The following ATRNL1 variants were observed in gnomAD, a reference collection of about 807,000 sequenced individuals.
ATRNL1 encodes attractin like 1.
In ATRNL1, 95 loss-of-function variants were observed where a neutral mutation model predicts 182.7. That is an observed-to-expected ratio of 0.52 (90% CI 0.44 to 0.62). The LOEUF (loss-of-function observed/expected upper bound fraction) is 0.62. Among genes scored for constraint, ATRNL1 ranks in the 20% least tolerant of loss-of-function variants. ATRNL1 has a pLI of 0.00. For missense variants in ATRNL1, 1,471 were observed against 1,679.5 expected (o/e 0.88, Z 2.17); for synonymous variants, 576 against 568.3 (o/e 1.01, Z -0.19).
At chr10:115,586,997 G>T (rs1555010154) in intron 26 of ATRNL1, among the ~76,000 whole-genome samples, 1 of 141,626 alleles carries the variant, frequency 7.1e-6, no homozygotes, top group South Asian at 2.6e-4. Context: ...CTGCAGCTCT[G>T]TTGGAATACC....
intron 28 of ATRNL1, among the ~76,000 whole-genome samples, chr10:115,866,810 A>G (rs1555104836): frequency 6.6e-6 from 1 of 152,234 alleles, no homozygotes. Context: ...TCAAAGATCA[A>G]ACATGATTTT....
At chr10:115,484,928 G>A (rs962870029) in intron 24 of ATRNL1, among the ~76,000 whole-genome samples, 6 of 151,766 alleles carry the variant, frequency 4.0e-5, no homozygotes, top group Admixed American at 6.6e-5. Flanking sequence ...ATGCAATAGG[G>A]AGAAGATTAA....
chr10:115,579,314 G>T (rs1555006436), intron 26 of ATRNL1, among the ~76,000 whole-genome samples: 2 of 149,402 alleles, frequency 1.3e-5, no homozygotes, highest in Non-Finnish European at 3.0e-5. Flanking sequence ...CATTATTGCT[G>T]TCTATTTCTC....
chr10:115,645,220 A>G (rs1432623423), intron 26 of ATRNL1, among the ~76,000 whole-genome samples: 1 of 151,860 alleles, frequency 6.6e-6, no homozygotes, highest in African/African-American at 2.4e-5. Context: ...CACTTACATG[A>G]TATTTTATAA....
intron 27 of ATRNL1, among the ~76,000 whole-genome samples, chr10:115,832,998 G>A (rs575939823): frequency 6.6e-6 from 1 of 151,932 alleles, no homozygotes; most frequent in Non-Finnish European, 1.5e-5. Flanking sequence ...TTTCATTTTA[G>A]TGAGATTTTT....
chr10:115,523,620 G>T (rs1245993199), intron 25 of ATRNL1, among the ~76,000 whole-genome samples: 3 of 152,182 alleles, frequency 2.0e-5, no homozygotes, highest in African/African-American at 7.2e-5. Context: ...ACACAATGTA[G>T]CAAAGTTCTT....
chr10:115,257,864 T>G lies in ATRNL1; in HGVS notation c.1688-7329T>G, dbSNP rs1354643364. ...AAGGATTTTATTTCTCCTTCACTTA[T>G]GAAGGTTAGTTTGGCTGGATATGAA... On this transcript the variant is annotated intron_variant, in intron 10 of 28. Transcript: ENST00000355044. 2.0e-5 allele frequency among the ~76,000 whole-genome samples: 3 copies of G among 152,218 alleles called. No individual in the cohort carries two copies. In the East Asian group the frequency reaches 5.8e-4, roughly 29 times the overall value.
At chr10:115,808,159 A>G (rs1949965682) in intron 27 of ATRNL1, among the ~76,000 whole-genome samples, 1 of 152,182 alleles carries the variant, frequency 6.6e-6, no homozygotes, top group Non-Finnish European at 1.5e-5. Flanking sequence ...ATATTTAGTA[A>G]CAAATTTATC....
At chr10:115,209,652 A>T (rs12244820) in intron 8 of ATRNL1, among the ~76,000 whole-genome samples, 1,996 of 151,854 alleles carry the variant, frequency 0.013, 40 homozygotes, top group African/African-American at 0.046. Flanking sequence ...AATTGAGAAT[A>T]TGATAAAGCA....
intron 18 of ATRNL1, 75 bp from the exon 19 acceptor site, chr10:115,334,207 A>G (rs1855372198): frequency 1.0e-6 from 1 of 996,354 alleles, no homozygotes; most frequent in East Asian, 2.7e-5. Flanking sequence ...TTTTTAAGAT[A>G]CATTCTTTGT....
intron 28 of ATRNL1, among the ~76,000 whole-genome samples, chr10:115,882,576 A>G (rs1169591400): frequency 1.3e-5 from 2 of 152,248 alleles, no homozygotes; most frequent in Non-Finnish European, 2.9e-5. Flanking sequence ...AGGGTCACAC[A>G]TTATTGTCAT....
chr10:115,881,506 C>T (rs1192651830), intron 28 of ATRNL1, among the ~76,000 whole-genome samples: 1 of 152,186 alleles, frequency 6.6e-6, no homozygotes, highest in African/African-American at 2.4e-5. Context: ...CTCTGGCTTA[C>T]CTAACCAAAA....
chr10:115,384,068 AT>A (rs1273704962), intron 19 of ATRNL1, among the ~76,000 whole-genome samples: 1 of 152,016 alleles, frequency 6.6e-6, no homozygotes, highest in Non-Finnish European at 1.5e-5. Context: ...TTTAATTAGT[AT>A]TATCTTCATT....
intron 27 of ATRNL1, among the ~76,000 whole-genome samples, chr10:115,822,792 G>C (rs376654889): frequency 6.6e-6 from 1 of 152,018 alleles, no homozygotes; most frequent in African/African-American, 2.4e-5. Context: ...GTAACTAATA[G>C]CCTACCAACC....
chr10:115,345,204 G>A (rs567760448), intron 19 of ATRNL1, among the ~76,000 whole-genome samples: 2 of 152,320 alleles, frequency 1.3e-5, no homozygotes, highest in South Asian at 4.1e-4. Context: ...GGCCCAGACT[G>A]CCTTTCAACT....
chr10:115,806,800 G>A (rs1412092251), intron 27 of ATRNL1, among the ~76,000 whole-genome samples: 5 of 152,060 alleles, frequency 3.3e-5, no homozygotes, highest in African/African-American at 1.2e-4. Context: ...TTATGTTTAA[G>A]ATGCAAATTA....
At chr10:115,520,882 A>G (rs1460528398) in intron 25 of ATRNL1, among the ~76,000 whole-genome samples, 1 of 152,150 alleles carries the variant, frequency 6.6e-6, no homozygotes, top group Non-Finnish European at 1.5e-5. Flanking sequence ...TCATCCATGC[A>G]CCTTAAAATA....
At chr10:115,370,745 T>C (rs1857351333) in intron 19 of ATRNL1, among the ~76,000 whole-genome samples, 1 of 152,098 alleles carries the variant, frequency 6.6e-6, no homozygotes, top group Non-Finnish European at 1.5e-5. Context: ...GAAAAGAACA[T>C]CCCATTTTTC....
chr10:115,475,836 T>C (rs1848503394), intron 24 of ATRNL1, among the ~76,000 whole-genome samples: 2 of 151,356 alleles, frequency 1.3e-5, no homozygotes, highest in Non-Finnish European at 3.0e-5. Context: ...TTAAAACCTT[T>C]GGTGATTTCC....
Sources: gnomAD v4.1 joint callset for allele counts (sites outside exome capture counted in the v4.1 genomes callset) on GRCh38, gnomAD v4.1.1 for gene constraint, MANE v1.5 for transcripts, NCBI Gene and HGNC (gene_info 2026-07-23, HGNC 2026-07-21) for gene names.